CBLIF: variants seen among roughly 807,000 people sequenced by gnomAD.
CBLIF encodes cobalamin binding intrinsic factor.
Under a neutral mutation model 44.9 loss-of-function variants are expected in CBLIF, and 24 were observed. The observed-to-expected ratio is 0.53, with a 90% confidence interval of 0.39 to 0.75. CBLIF has a LOEUF of 0.75. Ranked by LOEUF, CBLIF falls within the 30% of genes least tolerant of loss-of-function variation. CBLIF has a pLI of 0.00. For synonymous variants in CBLIF, 183 were observed against 190.9 expected (o/e 0.96, Z 0.34); for missense variants, 481 against 513.0 (o/e 0.94, Z 0.60).
Position 59,837,243 on chromosome 11 carries a change from T to C in CBLIF, c.802A>G (p.Ile268Val). 1 of 1,613,944 alleles carries C rather than the reference T, an allele frequency of 6.2e-7. No homozygotes were observed. The highest frequency in any genetic ancestry group is 1.6e-4 in the Middle Eastern group (1 of 6,062). ...TTCAGGGAAGGGAGGATTTGAGCAA[T>C]GGACATGGGGTTGTGGAATTTCCCC... The part of the protein sequence containing the change: ...KQGKFHNPMS[I>V]AQILPSLKGK... The change falls in exon 6 of 9, where the codon ATT (isoleucine) becomes GTT (valine). Residue 268 changes from isoleucine (I) to valine (V), a missense_variant. Physicochemically the swap from Ile to Val is conservative, Grantham distance 29. Transcript: ENST00000257248.
At chr11:59,835,730 T>C (rs1386248502) in intron 7 of CBLIF, 78 bp downstream of exon 7, 3 of 1,190,822 alleles carry the variant, frequency 2.5e-6, no homozygotes, top group Middle Eastern at 1.9e-4. Context: ...GGAAAAAAAT[T>C]AGGAAAACAG....
At chr11:59,838,848 C>CTTT (rs1217612334) in intron 5 of CBLIF, among the ~76,000 whole-genome samples, 17 of 130,522 alleles carry the variant, frequency 1.3e-4, no homozygotes, top group African/African-American at 2.1e-4. Context: ...TTCTTTCTTT[C>CTTT]TTTTTTTTTT....
rs1290591283 is a variant in CBLIF, at chr11:59,843,046, C to G, written c.352G>C (p.Glu118Gln). The G allele has an allele frequency of 2.5e-6, 4 of 1,606,868 alleles. No individual in the cohort carries two copies. The highest frequency in any genetic ancestry group is 3.4e-6 in the Non-Finnish European group (4 of 1,173,492). Reference protein sequence around the residue: ...DKVSILQRQMENWAPSSPNAE... With the variant: ...DKVSILQRQMQNWAPSSPNAE... ...GTCTTACTGGAAGGTGCCCAGTTCT[C>G]CATTTGTCTTTGTAGAATGGATACT... Residue 118 changes from glutamate (E) to glutamine (Q), a missense_variant, in exon 3 of 9, where the codon GAG (glutamate) becomes CAG (glutamine). Glu to Gln is a conservative substitution (Grantham distance 29). Transcript: ENST00000257248.
chr11:59,839,540 T>C (rs894664418), intron 5 of CBLIF, among the ~76,000 whole-genome samples: 1 of 152,170 alleles, frequency 6.6e-6, no homozygotes, highest in Non-Finnish European at 1.5e-5. Flanking sequence ...TTGTGATAGT[T>C]CCAGAGCCCT....
intron 7 of CBLIF, among the ~76,000 whole-genome samples, chr11:59,832,301 A>G (rs558457305): frequency 1.3e-5 from 2 of 152,318 alleles, no homozygotes; most frequent in African/African-American, 4.8e-5. Flanking sequence ...ACAGAGGGGA[A>G]CAACACACAC....
Position 59,841,188 on chromosome 11 carries a change from A to G in CBLIF, c.648T>C (p.Asp216=). The change falls in exon 5 of 9, where the codon GAT becomes GAC. Residue 216 remains aspartate (D), a synonymous_variant. Transcript: ENST00000257248. The part of the protein sequence containing the change: ...IVEKISMKIK[D]NGIIGDIYST... ...TGTAGATGTCTCCAATGATGCCATT[A>G]TCTTTGATCTTCATGCTGATTTTCT... is the stretch of plus-strand genomic sequence containing the variant. 6.2e-7 allele frequency: 1 copy of G among 1,613,760 alleles called. No homozygotes were observed.
rs1866337755 is a variant in CBLIF at position 59,829,401 on chromosome 11, T to C, written c.*83A>G. The C allele has an allele frequency of 5.7e-6, 5 of 880,834 alleles. No individual in the cohort carries two copies. In the Admixed American group the frequency reaches 8.7e-5, roughly 15 times the overall value. 54.6% of individuals were successfully genotyped at this position (880,834 alleles called of 1,614,324 possible). A position where few individuals can be genotyped will look rare whatever the true frequency, so the allele number is the denominator to read the frequency against. On this transcript the variant is annotated 3_prime_UTR_variant, in exon 9 of 9. Coordinates refer to ENST00000257248, the MANE Select transcript of CBLIF (RefSeq NM_005142.3). ...TATGGTAGCATCACAGGCATTCGCT[T>C]TTTTGCATAGATTTAAAATGAAGTG...
At chr11:59,839,901 A>G (rs1428347494) in intron 5 of CBLIF, among the ~76,000 whole-genome samples, 8 of 152,054 alleles carry the variant, frequency 5.3e-5, no homozygotes, top group Non-Finnish European at 1.2e-4. Flanking sequence ...CATAAAAAAA[A>G]AAAATCCCCA....
intron 5 of CBLIF, 30 bp downstream of exon 5, chr11:59,841,113 C>T: frequency 6.4e-7 from 1 of 1,558,126 alleles, no homozygotes; most frequent in Non-Finnish European, 8.9e-7. Context: ...TTGGCAGGAA[C>T]CCAACCAAGA....
chr11:59,845,156 C>A, intron 1 of CBLIF: 1 of 579,608 alleles, frequency 1.7e-6, no homozygotes, highest in Non-Finnish European at 3.1e-6. Flanking sequence ...AGCCACTGCA[C>A]CTGGCCCCAT....
Position 59,837,277 on chromosome 11 carries a change from C to T in CBLIF, c.768G>A (p.Glu256=). 6.2e-7 allele frequency: 1 copy of T among 1,613,042 alleles called. No individual in the cohort carries two copies. Among genetic ancestry groups the T allele is most frequent in the African/African-American group, 1.3e-5 (1 of 75,012 alleles). The change falls in exon 6 of 9, where the codon GAG becomes GAA. Residue 256 remains glutamate (E), a synonymous_variant. Transcript: ENST00000257248. ...CKKTTDMILN[E]IKQGKFHNPM... is the part of the protein sequence containing the mutation. ...GGTTGTGGAATTTCCCCTGCTTAAT[C>T]TCATTGAGTATCATATCCGTAGTCT... is the stretch of plus-strand genomic sequence containing the variant.
chr11:59,834,303 T>TTCCTTCCTTC (rs1866421110), intron 7 of CBLIF, among the ~76,000 whole-genome samples: 5 of 81,802 alleles, frequency 6.1e-5, no homozygotes, highest in African/African-American at 2.8e-4. Flanking sequence ...TTTCTTTCTT[T>TTCCTTCCTTC]CTTTCTTTCT....
rs397974268 is a variant in CBLIF at position 59,844,146 on chromosome 11, C to CT, written c.80-92dup. ...TGTCTTTGATGCTTTTTCTTTCTTT[C>CT]TTTTTTTTTTGAGACAGTGTTACTC... On this transcript the variant is annotated intron_variant, in intron 1 of 8. Transcript: ENST00000257248. 6.3e-3 allele frequency: 6,226 copies of CT among 981,264 alleles called. 8 individuals are homozygous for CT. The highest frequency in any genetic ancestry group is 0.02 in the African/African-American group (1,210 of 61,542). 60.8% of individuals were successfully genotyped at this position (981,264 alleles called of 1,614,324 possible). A position where few individuals can be genotyped will look rare whatever the true frequency, so the allele number is the denominator to read the frequency against.
At chr11:59,838,633 G>C (rs1230804869) in intron 5 of CBLIF, among the ~76,000 whole-genome samples, 1 of 152,162 alleles carries the variant, frequency 6.6e-6, no homozygotes, top group Admixed American at 6.5e-5. Context: ...TTACAAGGCA[G>C]TTGCTTTAAG....
At chr11:59,842,933 C>T (rs1484022311) in intron 3 of CBLIF, 95 bp downstream of exon 3, 6 of 806,746 alleles carry the variant, frequency 7.4e-6, no homozygotes, top group Non-Finnish European at 1.3e-5. Flanking sequence ...CCTAACTTGC[C>T]TTTCTCTCCA....
rs1866546667 is a variant in CBLIF, at chr11:59,842,483, A to G, written c.471T>C (p.Phe157=). Residue 157 remains phenylalanine (F), a synonymous_variant, in exon 4 of 9, where the codon TTT becomes TTC. Transcript: ENST00000257248. ...AGGAGTTGGCCAGCAGGGTCTTGGC[A>G]AAGCGGACGGCTATCGGCAAGGTCG... ...SEATLPIAVR[F]AKTLLANSSP... 5.0e-6 allele frequency: 8 copies of G among 1,613,764 alleles called. No individual in the cohort carries two copies. The Admixed American group carries it at 8.3e-5, about 17-fold the overall frequency.
chr11:59,842,387 A>AT, intron 4 of CBLIF, 56 bp downstream of exon 4: 1 of 1,589,968 alleles, frequency 6.3e-7, no homozygotes, highest in Non-Finnish European at 8.6e-7. Context: ...CAGCTCCACC[A>AT]TTCAGTTCAC....
chr11:59,831,690 G>A lies in CBLIF; in HGVS notation c.1180C>T (p.Pro394Ser), dbSNP rs766270119. The change falls in exon 8 of 9, where the codon CCT becomes TCT. Residue 394 changes from proline (P) to serine (S), a missense_variant. By Grantham distance (74) the Pro-to-Ser change is moderately conservative. Coordinates refer to ENST00000257248, the MANE Select transcript of CBLIF (RefSeq NM_005142.3). ...TYWQFLSGVTPLNEGVADYIP... is the reference protein window; with the variant it reads ...TYWQFLSGVTSLNEGVADYIP... ...TTTCTTCCCTCACCTTCATTCAAAG[G>A]TGTTACACCACTAAGAAACTGCCAG... The A allele has an allele frequency of 1.4e-5, 20 of 1,452,782 alleles. No individual in the cohort carries two copies. The highest frequency in any genetic ancestry group is 1.8e-5 in the Non-Finnish European group (19 of 1,033,000). 90.0% of individuals were successfully genotyped at this position (1,452,782 alleles called of 1,614,324 possible).
chr11:59,838,391 A>G (rs1005462875), intron 5 of CBLIF, among the ~76,000 whole-genome samples: 3 of 152,186 alleles, frequency 2.0e-5, no homozygotes. Context: ...AGCTGTCATT[A>G]CCACCTCCCT....
Sources: allele counts gnomAD v4.1 joint callset (sites outside exome capture counted in the v4.1 genomes callset), GRCh38; gene constraint gnomAD v4.1.1; transcripts MANE v1.5; gene names NCBI Gene and HGNC (gene_info 2026-07-23, HGNC 2026-07-21).